The following UTRN variants were observed in gnomAD, a reference collection of about 807,000 sequenced individuals.
The protein encoded by UTRN is dystrophin-related protein 1.
UTRN carries 283 observed loss-of-function variants against 463.9 expected under a neutral mutation model. The ratio of observed to expected loss-of-function variants is 0.61; its 90% confidence interval spans 0.55 to 0.67. The LOEUF is 0.67. Ranked by LOEUF, UTRN falls within the 30% of genes least tolerant of loss-of-function variation. The pLI is 0.00. For synonymous variants in UTRN, 1,442 were observed against 1,431.5 expected, an observed-to-expected ratio of 1.01 and a Z score of -0.17; for missense variants, 3,922 against 4,084.3, an observed-to-expected ratio of 0.96 and a Z score of 1.08.
At chr6:144,505,953 T>C (rs1794657921) in intron 34 of UTRN, among the ~76,000 whole-genome samples, 2 of 152,232 alleles carry the variant, frequency 1.3e-5, no homozygotes, top group Admixed American at 6.5e-5. Flanking sequence ...TGGGTGCATA[T>C]ATATTTAGGA....
chr6:144,707,674 T>C (rs982416384), intron 53 of UTRN, among the ~76,000 whole-genome samples: 2 of 152,244 alleles, frequency 1.3e-5, no homozygotes, highest in African/African-American at 4.8e-5. Flanking sequence ...GATGGGCTTG[T>C]TAAGCCACAG....
chr6:144,612,588 G>A (rs1805636979), intron 51 of UTRN, among the ~76,000 whole-genome samples: 1 of 152,012 alleles, frequency 6.6e-6, no homozygotes, highest in South Asian at 2.1e-4. Flanking sequence ...TGATCATCAG[G>A]TACAGGAAAA....
chr6:144,813,596 C>T lies in UTRN; in HGVS notation c.9358-7286C>T, dbSNP rs185554915. Among the ~76,000 whole-genome samples, 337 of 152,230 alleles carry T rather than the reference C, an allele frequency of 2.2e-3. 2 individuals are homozygous for T. The highest frequency in any genetic ancestry group is 6.3e-3 in the African/African-American group (260 of 41,564). ...GAATAACTAGACAGCAAAACTAAAACGTACAATGTTTGCAACCAAACTAGA... is the reference window on the plus strand; with the variant it reads ...GAATAACTAGACAGCAAAACTAAAATGTACAATGTTTGCAACCAAACTAGA... On this transcript the variant is annotated intron_variant, in intron 65 of 74. Coordinates refer to ENST00000367545, the MANE Select transcript of UTRN (RefSeq NM_007124.3).
intron 50 of UTRN, among the ~76,000 whole-genome samples, chr6:144,557,529 T>C (rs143013147): frequency 7.0e-4 from 106 of 152,310 alleles, no homozygotes; most frequent in African/African-American, 2.5e-3. Context: ...GAGTTTTTTA[T>C]TTTATTTTTT....
At chr6:144,426,629 A>G (rs921369419) in intron 7 of UTRN, among the ~76,000 whole-genome samples, 170 bp downstream of exon 7, 5 of 152,170 alleles carry the variant, frequency 3.3e-5, no homozygotes. Context: ...AAAACTACCC[A>G]TCAGGTTTTT....
At chr6:144,514,168 A>T in intron 36 of UTRN, 131 bp downstream of exon 36, 2 of 1,299,420 alleles carry the variant, frequency 1.5e-6, no homozygotes, top group African/African-American at 1.5e-5. Flanking sequence ...ATTTATTTTG[A>T]TGGGAGAAAC....
chr6:144,561,049 C>A (rs1053808636), intron 50 of UTRN, among the ~76,000 whole-genome samples: 1 of 150,398 alleles, frequency 6.6e-6, no homozygotes. Flanking sequence ...ACTTTTTTTC[C>A]TTCCATCTCT....
At chr6:144,631,565 A>G (rs1776525074) in intron 51 of UTRN, among the ~76,000 whole-genome samples, 1 of 152,158 alleles carries the variant, frequency 6.6e-6, no homozygotes, top group Admixed American at 6.5e-5. Flanking sequence ...GAGTGCTGAG[A>G]GCTTGGCGTA....
At chr6:144,776,802 A>G (rs1305837547) in intron 60 of UTRN, among the ~76,000 whole-genome samples, 1 of 152,168 alleles carries the variant, frequency 6.6e-6, no homozygotes, top group Non-Finnish European at 1.5e-5. Flanking sequence ...GTTAAAAGTA[A>G]GTTAGGGTAT....
intron 51 of UTRN, among the ~76,000 whole-genome samples, chr6:144,614,675 C>T (rs1057367039): frequency 2.0e-5 from 3 of 152,134 alleles, no homozygotes; most frequent in African/African-American, 7.2e-5. Context: ...ACCAGCAGCA[C>T]TTCAGTTAGA....
chr6:144,603,472 T>G (rs1804486053), intron 51 of UTRN, among the ~76,000 whole-genome samples: 1 of 152,232 alleles, frequency 6.6e-6, no homozygotes, highest in Non-Finnish European at 1.5e-5. Context: ...TATGCATCAG[T>G]GATTACTTGT....
rs558487232 is a variant in UTRN, at chr6:144,285,447, C to T, written c.-467C>T. Among the ~76,000 whole-genome samples the T allele has an allele frequency of 3.9e-5, 6 of 152,286 alleles. No individual in the cohort carries two copies. The South Asian group carries it at 1.2e-3, about 32-fold the overall frequency. On this transcript the variant is annotated 5_prime_UTR_variant, in exon 1 of 75. Coordinates refer to ENST00000367545, the MANE Select transcript of UTRN (RefSeq NM_007124.3). The stretch of plus-strand genomic sequence containing the variant: ...AAGCCGATTGGGGAATCACGGGGAG[C>T]GGCGCCCCCCTTCTTTTGGGTCATT...
intron 26 of UTRN, among the ~76,000 whole-genome samples, chr6:144,480,766 A>G (rs1791773780): frequency 1.3e-5 from 2 of 152,216 alleles, no homozygotes; most frequent in African/African-American, 4.8e-5. Context: ...AGCTTAAGCA[A>G]CACAGTGACT....
chr6:144,480,047 T>A (rs756874431), intron 26 of UTRN, 65 bp downstream of exon 26: 79 of 1,544,866 alleles, frequency 5.1e-5, no homozygotes, highest in Non-Finnish European at 6.7e-5. Context: ...AACCAGCACA[T>A]CAATCATCTG....
chr6:144,421,774 T>G, intron 3 of UTRN, 104 bp from the exon 4 acceptor site: 1 of 715,644 alleles, frequency 1.4e-6, no homozygotes. Flanking sequence ...ATCCACAACA[T>G]TTTAATTGAG....
chr6:144,397,752 C>A (rs1782572801), intron 2 of UTRN, among the ~76,000 whole-genome samples: 1 of 152,172 alleles, frequency 6.6e-6, no homozygotes, highest in African/African-American at 2.4e-5. Context: ...TATTTTAAAG[C>A]CTTCTTTCCA....
chr6:144,490,246 T>A, intron 31 of UTRN, 47 bp downstream of exon 31: 1 of 1,565,870 alleles, frequency 6.4e-7, no homozygotes. Context: ...TTGTTGGGAA[T>A]TTTCTTCAAA....
intron 50 of UTRN, among the ~76,000 whole-genome samples, chr6:144,565,699 T>C (rs898083142): frequency 6.6e-6 from 1 of 152,154 alleles, no homozygotes; most frequent in African/African-American, 2.4e-5. Context: ...CCAAATAGGA[T>C]GACACAGCAC....
chr6:144,774,246 T>G (rs924988572), intron 59 of UTRN, 44 bp from the exon 60 acceptor site: 4 of 1,526,020 alleles, frequency 2.6e-6, no homozygotes, highest in Admixed American at 2.0e-5. Context: ...CAATATATAT[T>G]CAATAATAAG....
Sources: gnomAD v4.1 joint callset for allele counts (sites outside exome capture counted in the v4.1 genomes callset) on GRCh38, gnomAD v4.1.1 for gene constraint, MANE v1.5 for transcripts, NCBI Gene and HGNC (gene_info 2026-07-23, HGNC 2026-07-21) for gene names.